Variants in PHEX observed in about 807,000 individuals in gnomAD.
PHEX encodes phosphate-regulating neutral endopeptidase PHEX.
In PHEX, 16 loss-of-function variants were observed where a neutral mutation model predicts 68.0. The observed-to-expected ratio is 0.24, with a 90% CI of 0.16 to 0.36. PHEX has a LOEUF of 0.36. Among genes scored for constraint, PHEX ranks in the 10% least tolerant of loss-of-function variants. PHEX has a pLI of 1.00. For synonymous variants in PHEX, 208 were observed against 205.1 expected (o/e 1.01, Z -0.12); for missense variants, 480 against 575.5 (o/e 0.83, Z 1.70).
intron 9 of PHEX, among the ~76,000 whole-genome samples, chrX:22,101,836 C>G (rs1349834335): frequency 9.0e-6 from 1 of 111,569 alleles, no homozygotes; most frequent in Non-Finnish European, 1.9e-5. Flanking sequence ...CCTAGACATG[C>G]CTTTATCAAA....
At chrX:22,033,688 GGTT>G (rs1433535800) in intron 1 of PHEX, among the ~76,000 whole-genome samples, 1 of 111,879 alleles carries the variant, frequency 8.9e-6, no homozygotes, top group African/African-American at 3.3e-5. Flanking sequence ...GGAAAACAGA[GGTT>G]TTCCCCCAAG....
intron 11 of PHEX, among the ~76,000 whole-genome samples, chrX:22,130,998 G>A (rs925969294): frequency 6.3e-5 from 7 of 110,892 alleles, no homozygotes; most frequent in African/African-American, 1.3e-4. Flanking sequence ...CGATGCCCAC[G>A]ACGCAGGATT....
intron 15 of PHEX, among the ~76,000 whole-genome samples, chrX:22,199,761 A>G (rs1934489252): frequency 8.9e-6 from 1 of 112,191 alleles, no homozygotes; most frequent in Non-Finnish European, 1.9e-5. Flanking sequence ...CTAAGGTGAA[A>G]GTTCTCCACT....
chrX:22,241,246 G>A (rs1275938737), intron 20 of PHEX, among the ~76,000 whole-genome samples: 9 of 111,969 alleles, frequency 8.0e-5, no homozygotes, highest in African/African-American at 2.9e-4. Context: ...AAGACACAAC[G>A]TACCTGAATC....
intron 9 of PHEX, among the ~76,000 whole-genome samples, chrX:22,105,375 G>T (rs1374757205): frequency 8.9e-6 from 1 of 112,226 alleles, no homozygotes; most frequent in Non-Finnish European, 1.9e-5. Flanking sequence ...TCCCCTGGAG[G>T]GTTTGCTAAA....
rs1231971166 is a variant in PHEX, at chrX:22,249,473, T to A, written c.*1520T>A. 4.7e-4 allele frequency: 40 copies of A among 84,996 alleles called. 2 individuals carry two copies. The highest frequency in any genetic ancestry group is 4.2e-3 in the Admixed American group (32 of 7,692). The allele number at this position is 84,996 out of a possible 1,213,427, so 7.0% of individuals were successfully genotyped here. On this transcript the variant is annotated 3_prime_UTR_variant, in exon 22 of 22. Transcript: ENST00000379374. ...AAAAAAAAATATATATATATATATA[T>A]ATATATATATATATGTATATCTACC...
intron 2 of PHEX, among the ~76,000 whole-genome samples, chrX:22,043,782 C>T (rs1602249131): frequency 1.8e-5 from 2 of 111,680 alleles, no homozygotes; most frequent in Middle Eastern, 9.2e-3. Context: ...TGACAATTAA[C>T]CTTATATATA....
chrX:22,073,268 C>T (rs994543979), intron 3 of PHEX, among the ~76,000 whole-genome samples: 3 of 113,187 alleles, frequency 2.7e-5, no homozygotes, highest in Non-Finnish European at 5.6e-5. Flanking sequence ...TACTGATCCC[C>T]GTTATCATGT....
chrX:22,095,405 G>A (rs764404831), intron 7 of PHEX, among the ~76,000 whole-genome samples: 1 of 112,092 alleles, frequency 8.9e-6, no homozygotes, highest in African/African-American at 3.2e-5. Flanking sequence ...GACCAAAAAG[G>A]GAACTAAAAA....
At chrX:22,203,270 G>C (rs1934613110) in intron 15 of PHEX, among the ~76,000 whole-genome samples, 1 of 110,582 alleles carries the variant, frequency 9.0e-6, no homozygotes, top group African/African-American at 3.3e-5. Context: ...GAATAGAAGG[G>C]CCAGCAGAGA....
At chrX:22,184,553 G>A (rs938171953) in intron 14 of PHEX, among the ~76,000 whole-genome samples, 11 of 111,981 alleles carry the variant, frequency 9.8e-5, no homozygotes, top group African/African-American at 3.2e-4. Context: ...TTTCTAAGGC[G>A]ATGGGAAATG....
chrX:22,184,358 G>C (rs1485625746), intron 14 of PHEX, among the ~76,000 whole-genome samples: 1 of 110,659 alleles, frequency 9.0e-6, no homozygotes, highest in Non-Finnish European at 1.9e-5. Context: ...AAATTCATGA[G>C]TTAATCGAGT....
intron 12 of PHEX, among the ~76,000 whole-genome samples, chrX:22,160,200 C>T (rs1266575274): frequency 2.7e-5 from 3 of 111,269 alleles, no homozygotes; most frequent in Non-Finnish European, 3.8e-5. Flanking sequence ...ACAATCATGG[C>T]GGAAGGCAAA....
intron 3 of PHEX, among the ~76,000 whole-genome samples, chrX:22,054,922 C>T (rs1928007147): frequency 9.2e-6 from 1 of 109,046 alleles, no homozygotes; most frequent in Non-Finnish European, 1.9e-5. Context: ...ACCTGTAGTC[C>T]CAGCACTTTG....
chrX:22,048,632 A>G (rs1927663387), intron 3 of PHEX, among the ~76,000 whole-genome samples: 1 of 112,141 alleles, frequency 8.9e-6, no homozygotes, highest in African/African-American at 3.2e-5. Context: ...CGATAACTTA[A>G]ATAACTTTCC....
chrX:22,158,036 G>C (rs768119664), intron 12 of PHEX, among the ~76,000 whole-genome samples: 2 of 111,970 alleles, frequency 1.8e-5, no homozygotes, highest in South Asian at 3.7e-4. Flanking sequence ...TGATTCATCA[G>C]ATAACTGCAT....
At chrX:22,188,306 A>G (rs1934094629) in intron 14 of PHEX, among the ~76,000 whole-genome samples, 1 of 111,656 alleles carries the variant, frequency 9.0e-6, no homozygotes, top group Non-Finnish European at 1.9e-5. Context: ...GGGCTCAGGC[A>G]GTCCTCCTGC....
At chrX:22,126,864 GTTTTTTTTTTTT>G (rs35691469) in intron 11 of PHEX, among the ~76,000 whole-genome samples, 1 of 54,600 alleles carries the variant, frequency 1.8e-5, no homozygotes, top group Non-Finnish European at 3.2e-5. Flanking sequence ...TGAAATAGTT[GTTTTTTTTTTTT>G]TTTTTTTTTT....
At chrX:22,050,201 T>C (rs1036843319) in intron 3 of PHEX, among the ~76,000 whole-genome samples, 2 of 112,642 alleles carry the variant, frequency 1.8e-5, no homozygotes, top group East Asian at 5.5e-4. Context: ...AATGTATGTA[T>C]TGGATTCAAT....
Sources: gnomAD v4.1 joint callset for allele counts (sites outside exome capture counted in the v4.1 genomes callset) on GRCh38, gnomAD v4.1.1 for gene constraint, MANE v1.5 for transcripts, NCBI Gene and HGNC (gene_info 2026-07-23, HGNC 2026-07-21) for gene names.